CDKL2: variants seen among roughly 807,000 people sequenced by gnomAD.
The protein encoded by CDKL2 is cyclin-dependent kinase-like 2.
A neutral mutation model predicts 63.9 loss-of-function variants in CDKL2; 64 were observed. The observed-to-expected ratio is 1.00, with a 90% CI of 0.82 to 1.23. CDKL2 has a LOEUF of 1.23. Among genes scored for constraint, CDKL2 ranks in the 50% most tolerant of loss-of-function variants. The probability of loss-of-function intolerance (pLI) is 0.00; values close to 1 mark genes in which losing one functional copy is unlikely to be tolerated. For missense variants in CDKL2, 656 were observed against 668.0 expected (o/e 0.98, Z 0.20); for synonymous variants, 211 against 229.2 (o/e 0.92, Z 0.72).
At chr4:75,599,302 C>T (rs561341931) in intron 7 of CDKL2, among the ~76,000 whole-genome samples, 36 of 152,190 alleles carry the variant, frequency 2.4e-4, no homozygotes, top group Non-Finnish European at 4.7e-4. Flanking sequence ...TGGCTCATGC[C>T]TGTAATCCCA....
At position 75,577,684 on chromosome 4, in the gene CDKL2, A is replaced by G. The variant is rs945092752; in HGVS notation, c.*1518T>C. Among the ~76,000 whole-genome samples, 2 of 152,220 alleles carry G rather than the reference A, an allele frequency of 1.3e-5. No homozygotes were observed. The highest frequency in any genetic ancestry group is 2.9e-5 in the Non-Finnish European group (2 of 68,034). ...GTAGTAACTTTTTAATATGCAGCCT[A>G]TTAATGCTGATACCCTAGTTTTTTC... On this transcript the variant is annotated 3_prime_UTR_variant, in exon 14 of 14. Transcript: ENST00000307465.
At chr4:75,597,774 G>A (rs1393995747) in intron 8 of CDKL2, among the ~76,000 whole-genome samples, 1 of 152,182 alleles carries the variant, frequency 6.6e-6, no homozygotes, top group Non-Finnish European at 1.5e-5. Flanking sequence ...GATAAGTGGG[G>A]TGAGGGTTGT....
At position 75,598,136 on chromosome 4, in the gene CDKL2, T is replaced by C; in HGVS notation, c.961A>G (p.Lys321Glu). Residue 321 changes from lysine to glutamate, a missense_variant, in exon 8 of 14, where the codon AAG becomes GAG. Transcript: ENST00000307465. ...VSLSKKSQNR[K>E]KEKEKDDSLV... ...GAATCATCTTTTTCTTTTTCCTTCT[T>C]TCTGTTTTGGGATTTTTTAGATAAA... 6.4e-7 allele frequency: 1 copy of C among 1,558,194 alleles called. No homozygotes were observed. Among genetic ancestry groups the C allele is most frequent in the Non-Finnish European group, 8.8e-7 (1 of 1,141,836 alleles).
At chr4:75,621,197 A>G (rs1355457840) in intron 2 of CDKL2, among the ~76,000 whole-genome samples, 1 of 151,836 alleles carries the variant, frequency 6.6e-6, no homozygotes, top group Non-Finnish European at 1.5e-5. Context: ...TGGCCTCCCA[A>G]AGTGCTGAGA....
chr4:75,584,611 G>T (rs28805072), intron 12 of CDKL2, among the ~76,000 whole-genome samples: 60,866 of 151,884 alleles, frequency 0.4, 12,929 homozygotes, highest in African/African-American at 0.51. Flanking sequence ...ATGTTCCAAG[G>T]CCCCCAGCGG....
At chr4:75,586,451 C>T (rs563569279) in intron 12 of CDKL2, among the ~76,000 whole-genome samples, 50 of 152,072 alleles carry the variant, frequency 3.3e-4, no homozygotes, top group Non-Finnish European at 5.1e-4. Flanking sequence ...AGTAAGGTCT[C>T]GATCTCCTGA....
Position 75,614,458 on chromosome 4 carries a change from AAAAAATGCAAAATAGCTGTTATTT to A in CDKL2, c.169-33_169-10del. ...TTTTCATGCCTAAGTTGCTGTTATTAAAAAATGCAAAATAGCTGTTATTTAAAAATGCAAAATAGTTTATATAAA... is the reference window on the plus strand; with the variant it reads ...TTTTCATGCCTAAGTTGCTGTTATTAAAAAATGCAAAATAGTTTATATAAA... On this transcript the variant is annotated splice_polypyrimidine_tract_variant and intron_variant, in intron 2 of 13. Coordinates refer to ENST00000307465, the MANE Select transcript of CDKL2 (RefSeq NM_001330724.2). 1 of 1,526,510 alleles carries A rather than the reference AAAAAATGCAAAATAGCTGTTATTT, an allele frequency of 6.6e-7. No homozygotes were observed. Among genetic ancestry groups the A allele is most frequent in the Non-Finnish European group, 8.8e-7 (1 of 1,130,870 alleles). 94.6% of individuals were successfully genotyped at this position (1,526,510 alleles called of 1,614,324 possible).
At chr4:75,585,114 G>T (rs1240484006) in intron 12 of CDKL2, among the ~76,000 whole-genome samples, 1 of 152,124 alleles carries the variant, frequency 6.6e-6, no homozygotes, top group Non-Finnish European at 1.5e-5. Flanking sequence ...GATTTACTAT[G>T]CAAACATACG....
chr4:75,577,740 A>G lies in CDKL2; in HGVS notation c.*1462T>C, dbSNP rs1161089196. 6.6e-6 allele frequency among the ~76,000 whole-genome samples: 1 copy of G among 152,212 alleles called. No individual in the cohort carries two copies. Among genetic ancestry groups the G allele is most frequent in the Non-Finnish European group, 1.5e-5 (1 of 68,028 alleles). ...GTTATCCATACTAATGTTGTCAAAC[A>G]GCTGGTCACAGATTAAAAGTAGAGC... On this transcript the variant is annotated 3_prime_UTR_variant, in exon 14 of 14. Coordinates refer to ENST00000307465, the MANE Select transcript of CDKL2 (RefSeq NM_001330724.2).
intron 12 of CDKL2, among the ~76,000 whole-genome samples, chr4:75,590,921 T>C (rs1002238061): frequency 6.6e-6 from 1 of 152,212 alleles, no homozygotes; most frequent in African/African-American, 2.4e-5. Flanking sequence ...AGCCAAAGTT[T>C]GTAGCTAGTT....
At chr4:75,610,130 G>A (rs1729623456) in intron 3 of CDKL2, among the ~76,000 whole-genome samples, 1 of 151,686 alleles carries the variant, frequency 6.6e-6, no homozygotes, top group South Asian at 2.1e-4. Flanking sequence ...GTGAACCTGG[G>A]AGGCGGAGCT....
intron 12 of CDKL2, among the ~76,000 whole-genome samples, chr4:75,590,706 C>T (rs1255830804): frequency 6.6e-6 from 1 of 152,040 alleles, no homozygotes; most frequent in African/African-American, 2.4e-5. Context: ...CAGAGTGAGA[C>T]TCTGTCTCAA....
intron 8 of CDKL2, 49 bp from the exon 9 acceptor site, chr4:75,597,285 A>T: frequency 8.6e-7 from 1 of 1,169,276 alleles, no homozygotes; most frequent in South Asian, 1.4e-5. Context: ...GAAGAGAATG[A>T]AAATTTACCT....
At chr4:75,617,202 TA>T (rs573485774) in intron 2 of CDKL2, among the ~76,000 whole-genome samples, 9 of 150,230 alleles carry the variant, frequency 6.0e-5, no homozygotes, top group Non-Finnish European at 7.4e-5. Flanking sequence ...ACTTAAAAGT[TA>T]AAAAAAAACA....
intron 2 of CDKL2, among the ~76,000 whole-genome samples, chr4:75,623,926 G>C (rs774998334): frequency 1.3e-5 from 2 of 152,068 alleles, no homozygotes; most frequent in Non-Finnish European, 2.9e-5. Flanking sequence ...CTGAGGTCAG[G>C]AGTTTGAGAC....
At chr4:75,629,391 C>G (rs996062845) in intron 1 of CDKL2, among the ~76,000 whole-genome samples, 2 of 152,198 alleles carry the variant, frequency 1.3e-5, no homozygotes, top group Admixed American at 6.5e-5. Flanking sequence ...CTGGACACAC[C>G]ACATTGAACA....
chr4:75,578,904 T>C lies in CDKL2; in HGVS notation c.*298A>G, dbSNP rs957683171. 1.6e-4 allele frequency: 25 copies of C among 152,640 alleles called. No individual in the cohort carries two copies. The highest frequency in any genetic ancestry group is 6.0e-4 in the African/African-American group (25 of 41,454). 9.5% of individuals were successfully genotyped at this position (152,640 alleles called of 1,614,324 possible). A position where few individuals can be genotyped will look rare whatever the true frequency, so the allele number is the denominator to read the frequency against. On this transcript the variant is annotated 3_prime_UTR_variant, in exon 14 of 14. Transcript: ENST00000307465. ...ACAATCTCCTAACAGTAAATACACA[T>C]TCATGTAACAAGAACCATATCACTG...
At chr4:75,600,172 T>C (rs1729118356) in intron 7 of CDKL2, 109 bp downstream of exon 7, 1 of 675,326 alleles carries the variant, frequency 1.5e-6, no homozygotes, top group Non-Finnish European at 2.6e-6. Flanking sequence ...ATATCTGAGA[T>C]CCTGCAAAGT....
chr4:75,609,736 T>G (rs1031538483), intron 3 of CDKL2, among the ~76,000 whole-genome samples: 7 of 150,288 alleles, frequency 4.7e-5, no homozygotes, highest in Non-Finnish European at 8.9e-5. Flanking sequence ...TATAAGCAAA[T>G]TGTATTTTGA....
Sources: gnomAD v4.1 joint callset for allele counts (sites outside exome capture counted in the v4.1 genomes callset) on GRCh38, gnomAD v4.1.1 for gene constraint, MANE v1.5 for transcripts, NCBI Gene and HGNC (gene_info 2026-07-23, HGNC 2026-07-21) for gene names.